Variants in FAR1 observed in about 807,000 individuals in gnomAD.
FAR1 encodes the protein fatty acyl-CoA reductase 1, also known as male sterility domain-containing protein 2.
In FAR1, 22 loss-of-function variants were observed where a neutral mutation model predicts 61.1. The observed-to-expected ratio is 0.36, with a 90% CI of 0.26 to 0.51. The LOEUF (loss-of-function observed/expected upper bound fraction) is 0.51. FAR1 is among the 20% of genes least tolerant of loss of function. The pLI is 0.95. For missense variants in FAR1, 359 were observed against 626.9 expected, an observed-to-expected ratio of 0.57 and a Z score of 4.56; for synonymous variants, 206 against 209.7, an observed-to-expected ratio of 0.98 and a Z score of 0.15.
Position 13,730,947 on chromosome 11 carries a change from T to G in FAR1, c.*2173T>G, listed in dbSNP as rs1848718783. ...ATCCCCACCAGCTAGACTTTGAACT[T>G]AAGTCAGACTTAAAGATTTGAGAAA... On this transcript the variant is annotated 3_prime_UTR_variant, in exon 12 of 12. Transcript: ENST00000354817. 1 of 152,180 alleles carries G rather than the reference T, an allele frequency of 6.6e-6. No homozygotes were observed. The highest frequency in any genetic ancestry group is 2.4e-5 in the African/African-American group (1 of 41,462). The allele number at this position is 152,180 out of a possible 1,614,324, so 9.4% of individuals were successfully genotyped here.
chr11:13,680,230 C>CT (rs35988983), intron 1 of FAR1, among the ~76,000 whole-genome samples: 3 of 142,492 alleles, frequency 2.1e-5, no homozygotes, highest in South Asian at 4.2e-4. Context: ...CATTTTGGCT[C>CT]TTTTTTTGTT....
chr11:13,694,118 T>A (rs1374824031), intron 1 of FAR1, among the ~76,000 whole-genome samples: 1 of 152,224 alleles, frequency 6.6e-6, no homozygotes, highest in Non-Finnish European at 1.5e-5. Context: ...ATTATGGTTG[T>A]TTTCTTAATA....
At chr11:13,676,089 T>C (rs1848065333) in intron 1 of FAR1, among the ~76,000 whole-genome samples, 1 of 152,200 alleles carries the variant, frequency 6.6e-6, no homozygotes, top group Non-Finnish European at 1.5e-5. Flanking sequence ...AGCATACTGC[T>C]AAAATTCAAC....
At chr11:13,714,942 A>G (rs1044936740) in intron 9 of FAR1, among the ~76,000 whole-genome samples, 2 of 152,224 alleles carry the variant, frequency 1.3e-5, no homozygotes, top group Non-Finnish European at 2.9e-5. Context: ...GAATAACAAT[A>G]TTTAAATTGC....
In FAR1 at chr11:13,730,406, A is replaced by G. The variant is rs192501808; in HGVS notation, c.*1632A>G. 24 of 152,504 alleles carry G rather than the reference A, an allele frequency of 1.6e-4. No homozygotes were observed. Among genetic ancestry groups the G allele is most frequent in the African/African-American group, 5.8e-4 (24 of 41,552 alleles). The allele number at this position is 152,504 out of a possible 1,614,324, so 9.4% of individuals were successfully genotyped here. A position where few individuals can be genotyped will look rare whatever the true frequency, so the allele number is the denominator to read the frequency against. ...TTTTAAATATTATTTTAAAAGAAAT[A>G]TGTATATAAATATCTCTATATTCTT... On this transcript the variant is annotated 3_prime_UTR_variant, in exon 12 of 12. Coordinates refer to ENST00000354817, the MANE Select transcript of FAR1 (RefSeq NM_032228.6).
In FAR1 at chr11:13,707,356, T is replaced by C. The variant is rs550400766; in HGVS notation, c.366-544T>C. On this transcript the variant is annotated intron_variant, in intron 3 of 11. Transcript: ENST00000354817. ...TCCCTTTGAATTTTGTAGGGTAGCC[T>C]TAGAAAAGTGTTTGGATTGATTGCT... is the stretch of plus-strand genomic sequence containing the variant. Among the ~76,000 whole-genome samples the C allele has an allele frequency of 2.0e-5, 3 of 152,290 alleles. No individual in the cohort carries two copies. The South Asian group carries it at 6.2e-4, about 32-fold the overall frequency.
In FAR1 at chr11:13,723,006, T is replaced by C. The variant is rs181668209; in HGVS notation, c.1257+1147T>C. Among the ~76,000 whole-genome samples, 99 of 152,240 alleles carry C rather than the reference T, an allele frequency of 6.5e-4. 3 individuals are homozygous for C. In the East Asian group the frequency reaches 0.015, roughly 23 times the overall value. ...TGGGAATCTGTTTTGTAGTGAATTCTGAGTTTTTGATTGTCTGATATGTGT... is the reference window on the plus strand; with the variant it reads ...TGGGAATCTGTTTTGTAGTGAATTCCGAGTTTTTGATTGTCTGATATGTGT... On this transcript the variant is annotated intron_variant, in intron 10 of 11. Coordinates refer to ENST00000354817, the MANE Select transcript of FAR1 (RefSeq NM_032228.6).
chr11:13,696,710 T>C (rs1848309561), intron 2 of FAR1, among the ~76,000 whole-genome samples: 1 of 152,232 alleles, frequency 6.6e-6, no homozygotes, highest in Admixed American at 6.5e-5. Context: ...TGGCATATCC[T>C]ACCACTTAAT....
chr11:13,700,305 C>T lies in FAR1; in HGVS notation c.190-12C>T, dbSNP rs768753013. The T allele has an allele frequency of 6.5e-7, 1 of 1,539,806 alleles. No homozygotes were observed. Among genetic ancestry groups the T allele is most frequent in the African/African-American group, 1.4e-5 (1 of 70,312 alleles). On this transcript the variant is annotated splice_polypyrimidine_tract_variant and intron_variant, in intron 2 of 11. Transcript: ENST00000354817. ...ATACTGCTGTAAAATAAATATTTTT[C>T]CCTCTTGATAGCTTTTTGACAGATT... is the stretch of plus-strand genomic sequence containing the variant.
Position 13,721,118 on chromosome 11 carries a change from A to C in FAR1, c.1128-612A>C, listed in dbSNP as rs1848606015. 2 of 152,250 alleles carry C rather than the reference A, an allele frequency of 1.3e-5. No individual in the cohort carries two copies. The highest frequency in any genetic ancestry group is 3.8e-4 in the East Asian group (2 of 5,200). The allele number at this position is 152,250 out of a possible 1,614,324, so 9.4% of individuals were successfully genotyped here. On this transcript the variant is annotated intron_variant, in intron 9 of 11. Transcript: ENST00000354817. The surrounding 1 kb of genome is among the most constrained non-coding windows in gnomAD (Gnocchi z 4.2). ...GGAGAGGTGAGTGGATATCTATTTCAGATAGTTTTCAGCATGAGTCATTGA... is the reference window on the plus strand; with the variant it reads ...GGAGAGGTGAGTGGATATCTATTTCCGATAGTTTTCAGCATGAGTCATTGA...
intron 10 of FAR1, among the ~76,000 whole-genome samples, chr11:13,723,162 C>T (rs1328088167): frequency 2.0e-5 from 3 of 151,598 alleles, no homozygotes; most frequent in African/African-American, 7.3e-5. Flanking sequence ...GCCAGGAGTT[C>T]AAGACCAGCC....
intron 10 of FAR1, 52 bp from the exon 11 acceptor site, chr11:13,727,500 CTGGT>C: frequency 1.3e-6 from 2 of 1,504,094 alleles, no homozygotes; most frequent in Non-Finnish European, 1.8e-6. Flanking sequence ...GAATTTCTGA[CTGGT>C]TGTGAGAAAA....
chr11:13,716,863 A>G (rs984125542), intron 9 of FAR1, among the ~76,000 whole-genome samples: 7 of 151,876 alleles, frequency 4.6e-5, no homozygotes, highest in African/African-American at 1.7e-4. Flanking sequence ...ACATATGTAT[A>G]CTTGTGCCAT....
At chr11:13,692,546 T>C (rs538195503) in intron 1 of FAR1, among the ~76,000 whole-genome samples, 4 of 140,614 alleles carry the variant, frequency 2.8e-5, no homozygotes, top group African/African-American at 1.0e-4. Flanking sequence ...CCAACACTTA[T>C]TTTTTTCTGT....
chr11:13,672,973 G>A (rs893405898), intron 1 of FAR1, among the ~76,000 whole-genome samples: 17 of 152,034 alleles, frequency 1.1e-4, no homozygotes, highest in Admixed American at 8.5e-4. Context: ...CTACACATTG[G>A]TTCTATAGTT....
chr11:13,672,308 T>TA (rs911715732), intron 1 of FAR1, among the ~76,000 whole-genome samples: 9 of 149,462 alleles, frequency 6.0e-5, no homozygotes, highest in African/African-American at 2.2e-4. Flanking sequence ...TTTTCAAATT[T>TA]AAAAAAATGA....
chr11:13,679,193 A>C (rs1466663434), intron 1 of FAR1, among the ~76,000 whole-genome samples: 1 of 123,440 alleles, frequency 8.1e-6, no homozygotes, highest in Non-Finnish European at 1.8e-5. Context: ...AAATATTAGT[A>C]TATCTTTGTA....
At chr11:13,706,771 T>G (rs1198121790) in intron 3 of FAR1, among the ~76,000 whole-genome samples, 2 of 152,200 alleles carry the variant, frequency 1.3e-5, no homozygotes, top group African/African-American at 2.4e-5. Context: ...ATCCACCATC[T>G]CATTACCTTA....
At chr11:13,669,597 A>C (rs1847972294) in intron 1 of FAR1, 1 of 152,292 alleles carries the variant, frequency 6.6e-6, no homozygotes, top group Admixed American at 6.5e-5. Flanking sequence ...GTTGAGCAAG[A>C]ACAGTTGTCT....
Sources: gnomAD v4.1 joint callset for allele counts (sites outside exome capture counted in the v4.1 genomes callset) on GRCh38, gnomAD v4.1.1 for gene constraint, Gnocchi (gnomAD v3.1) non-coding constraint, MANE v1.5 for transcripts, NCBI Gene and HGNC (gene_info 2026-07-23, HGNC 2026-07-21) for gene names.